PTPRD: variants seen among roughly 807,000 people sequenced by gnomAD.
PTPRD encodes the protein protein tyrosine phosphatase receptor type D, also known as receptor-type tyrosine-protein phosphatase delta.
A neutral mutation model predicts 214.5 loss-of-function variants in PTPRD; 34 were observed. The observed-to-expected ratio is 0.16, with a 90% CI of 0.12 to 0.21. The LOEUF (loss-of-function observed/expected upper bound fraction) is 0.21, where lower values mean the gene tolerates loss of function less well. Among genes scored for constraint, PTPRD ranks in the 10% least tolerant of loss-of-function variants. PTPRD has a pLI of 1.00. For missense variants in PTPRD, 2,545 were observed against 2,398.7 expected (o/e 1.06, Z -1.27); for synonymous variants, 1,128 against 845.7 (o/e 1.33, Z -5.79).
chr9:8,930,657 A>G (rs2098946205), intron 11 of PTPRD, among the ~76,000 whole-genome samples: 1 of 152,106 alleles, frequency 6.6e-6, no homozygotes, highest in South Asian at 2.1e-4. Context: ...CACCATTCTA[A>G]CTGGTGTGAG....
At chr9:10,313,899 G>A (rs919627810) in intron 3 of PTPRD, among the ~76,000 whole-genome samples, 2 of 151,834 alleles carry the variant, frequency 1.3e-5, no homozygotes, top group Non-Finnish European at 2.9e-5. Flanking sequence ...AGGGAAAGAG[G>A]TAAGGAAAAG....
chr9:9,414,150 T>C (rs895713307), intron 8 of PTPRD, among the ~76,000 whole-genome samples: 1 of 152,242 alleles, frequency 6.6e-6, no homozygotes, highest in Non-Finnish European at 1.5e-5. Flanking sequence ...CTTTTTCACA[T>C]ACATCTCAAA....
chr9:9,215,504 C>T (rs2099951587), intron 9 of PTPRD, among the ~76,000 whole-genome samples: 3 of 152,078 alleles, frequency 2.0e-5, no homozygotes, highest in Non-Finnish European at 4.4e-5. Context: ...ATTTCCACTG[C>T]TCCATGGGCT....
intron 9 of PTPRD, among the ~76,000 whole-genome samples, chr9:9,271,400 A>C (rs1942867690): frequency 6.6e-6 from 1 of 151,234 alleles, no homozygotes; most frequent in Admixed American, 6.6e-5. Context: ...AGATCAGACC[A>C]GTTATAACCA....
At chr9:10,019,153 T>G (rs201475571) in intron 4 of PTPRD, among the ~76,000 whole-genome samples, 13 of 152,160 alleles carry the variant, frequency 8.5e-5, no homozygotes, top group African/African-American at 1.2e-4. Flanking sequence ...AGACATTTAT[T>G]CAGCCAAAAG....
intron 4 of PTPRD, among the ~76,000 whole-genome samples, chr9:10,008,123 C>T (rs2096527154): frequency 6.6e-6 from 1 of 151,848 alleles, no homozygotes; most frequent in Non-Finnish European, 1.5e-5. Flanking sequence ...TCTTAAGCAC[C>T]TCAACCCGCT....
At chr9:9,524,365 C>A (rs777851378) in intron 8 of PTPRD, among the ~76,000 whole-genome samples, 1 of 152,136 alleles carries the variant, frequency 6.6e-6, no homozygotes. Flanking sequence ...TAGGTTCTAC[C>A]TTTCACCATT....
intron 6 of PTPRD, among the ~76,000 whole-genome samples, chr9:9,749,293 G>C (rs2098490919): frequency 6.6e-6 from 1 of 152,122 alleles, no homozygotes; most frequent in Non-Finnish European, 1.5e-5. Context: ...TATCAGGTTG[G>C]TAAGTTGGCT....
chr9:9,779,099 A>AAAAAAAAAAAAAAAAAAAAG (rs1565195907), intron 5 of PTPRD, among the ~76,000 whole-genome samples: 1 of 148,744 alleles, frequency 6.7e-6, no homozygotes, highest in African/African-American at 2.5e-5. Context: ...AAAAAAAAAA[A>AAAAAAAAAAAAAAAAAAAAG]AAAAAGCAAT....
chr9:10,585,866 T>C (rs2073732120), intron 2 of PTPRD, among the ~76,000 whole-genome samples: 1 of 152,058 alleles, frequency 6.6e-6, no homozygotes, highest in African/African-American at 2.4e-5. Flanking sequence ...TAACCTATTT[T>C]ACACATTTAA....
chr9:10,159,387 T>C (rs1421565470), intron 3 of PTPRD, among the ~76,000 whole-genome samples: 1 of 149,498 alleles, frequency 6.7e-6, no homozygotes, highest in African/African-American at 2.5e-5. Context: ...TAAGCAAATA[T>C]AGTCAGGAAA....
intron 30 of PTPRD, among the ~76,000 whole-genome samples, chr9:8,472,540 G>A (rs927244199): frequency 3.3e-5 from 5 of 152,180 alleles, no homozygotes; most frequent in African/African-American, 4.8e-5. Flanking sequence ...ACTAGCCCCT[G>A]GGGGCCATCG....
chr9:10,540,364 C>A (rs890145678), intron 2 of PTPRD, among the ~76,000 whole-genome samples: 5 of 152,114 alleles, frequency 3.3e-5, no homozygotes, highest in African/African-American at 4.8e-5. Context: ...GTGTAAAAGT[C>A]AGAAATTCTG....
intron 8 of PTPRD, among the ~76,000 whole-genome samples, chr9:9,557,533 G>A (rs761457174): frequency 2.6e-5 from 4 of 152,258 alleles, no homozygotes; most frequent in Middle Eastern, 3.4e-3. Context: ...CCTTTCCAGA[G>A]CTTTTCCTAA....
intron 7 of PTPRD, among the ~76,000 whole-genome samples, chr9:9,614,608 A>T (rs542383081): frequency 2.0e-5 from 3 of 152,330 alleles, no homozygotes; most frequent in South Asian, 4.1e-4. Flanking sequence ...GTTTTGATTC[A>T]ATAGACCGTA....
intron 2 of PTPRD, among the ~76,000 whole-genome samples, chr9:10,473,358 T>A (rs1279696822): frequency 2.0e-5 from 3 of 152,098 alleles, no homozygotes; most frequent in African/African-American, 7.2e-5. Flanking sequence ...AAAGCCACCA[T>A]AGTTATGGTT....
intron 5 of PTPRD, among the ~76,000 whole-genome samples, chr9:9,816,189 G>C (rs1298461814): frequency 6.6e-6 from 1 of 152,018 alleles, no homozygotes; most frequent in East Asian, 1.9e-4. Flanking sequence ...TTCTTGGCTA[G>C]TCTGAAAGAA....
chr9:9,917,556 G>T (rs1229702270), intron 5 of PTPRD, among the ~76,000 whole-genome samples: 1 of 150,186 alleles, frequency 6.7e-6, no homozygotes, highest in Non-Finnish European at 1.5e-5. Context: ...CCAAAAAAAT[G>T]AAGCAGAAGG....
intron 3 of PTPRD, among the ~76,000 whole-genome samples, chr9:10,225,399 T>C (rs577448980): frequency 1.3e-5 from 2 of 152,046 alleles, no homozygotes; most frequent in Non-Finnish European, 2.9e-5. Context: ...AGAGCTGATA[T>C]TAACAGTCCG....
Sources: allele counts gnomAD v4.1 joint callset (sites outside exome capture counted in the v4.1 genomes callset), GRCh38; gene constraint gnomAD v4.1.1; transcripts MANE v1.5; gene names NCBI Gene and HGNC (gene_info 2026-07-23, HGNC 2026-07-21).